Variants in TNNI3K observed in about 807,000 individuals in gnomAD.
TNNI3K encodes the protein TNNI3 interacting kinase, also known as serine/threonine-protein kinase TNNI3K.
TNNI3K carries 140 observed loss-of-function variants against 114.5 expected under a neutral mutation model. That is an observed-to-expected ratio of 1.22 (90% CI 1.07 to 1.41). The LOEUF (loss-of-function observed/expected upper bound fraction) is 1.41, where lower values mean the gene tolerates loss of function less well. Ranked by LOEUF, TNNI3K falls within the 40% of genes most tolerant of loss-of-function variation. The pLI is 0.00. For missense variants in TNNI3K, 1,125 were observed against 1,007.6 expected, an observed-to-expected ratio of 1.12 and a Z score of -1.58; for synonymous variants, 347 against 347.5, an observed-to-expected ratio of 1.00 and a Z score of 0.02.
At position 74,463,495 on chromosome 1, in the gene TNNI3K, C is replaced by T; in HGVS notation, c.2066C>T (p.Ser689Phe). The T allele has an allele frequency of 8.1e-6, 13 of 1,614,212 alleles. No homozygotes were observed. Among genetic ancestry groups the T allele is most frequent in the Non-Finnish European group, 1.1e-5 (13 of 1,180,044 alleles). ...YHHIRPPIGY[S>F]IPKPISSLLI... is the part of the protein sequence containing the mutation. ...CACATCAGACCTCCCATTGGCTATT[C>T]CATTCCCAAGCCCATATCATCTCTG... The change falls in exon 21 of 25, where the codon TCC (serine) becomes TTC (phenylalanine). Residue 689 changes from serine (S) to phenylalanine (F), a missense_variant. Ser to Phe is a radical substitution (Grantham distance 155). Coordinates refer to ENST00000326637, the MANE Select transcript of TNNI3K (RefSeq NM_015978.3).
At chr1:74,526,671 C>T (rs920692881) in intron 23 of TNNI3K, among the ~76,000 whole-genome samples, 20 of 152,120 alleles carry the variant, frequency 1.3e-4, no homozygotes, top group African/African-American at 4.3e-4. Flanking sequence ...TTAGCTCATG[C>T]ATTTTAGTCT....
chr1:74,332,976 A>AAAAAAAAAAAAAAAAAAAAAAAAAGAG (rs57556485), intron 6 of TNNI3K, among the ~76,000 whole-genome samples: 2 of 90,708 alleles, frequency 2.2e-5, no homozygotes, highest in Non-Finnish European at 4.5e-5. Flanking sequence ...AAAAAAAAAA[A>AAAAAAAAAAAAAAAAAAAAAAAAAGAG]AGAGAGAGAC....
chr1:74,370,461 A>T, intron 17 of TNNI3K, 69 bp downstream of exon 17: 1 of 1,414,468 alleles, frequency 7.1e-7, no homozygotes, highest in East Asian at 2.4e-5. Context: ...GATTTCAGTG[A>T]AGATACATTT....
At chr1:74,507,057 AATT>A (rs1447169817) in intron 23 of TNNI3K, among the ~76,000 whole-genome samples, 7 of 152,206 alleles carry the variant, frequency 4.6e-5, no homozygotes, top group African/African-American at 1.7e-4. Flanking sequence ...ATGTTGAACA[AATT>A]ATTATCTTAA....
At chr1:74,353,426 A>C (rs1661487997) in intron 10 of TNNI3K, 66 bp downstream of exon 10, 2 of 1,575,686 alleles carry the variant, frequency 1.3e-6, no homozygotes, top group East Asian at 4.6e-5. Context: ...AATGGTATGC[A>C]AAGGGATGTG....
intron 23 of TNNI3K, among the ~76,000 whole-genome samples, chr1:74,501,095 G>C (rs1239951496): frequency 1.3e-5 from 2 of 151,896 alleles, no homozygotes; most frequent in Non-Finnish European, 2.9e-5. Context: ...TGGAATTCTA[G>C]TTGGATATTT....
chr1:74,236,716 T>G (rs1653879272), intron 2 of TNNI3K, among the ~76,000 whole-genome samples: 1 of 151,830 alleles, frequency 6.6e-6, no homozygotes, highest in Non-Finnish European at 1.5e-5. Context: ...CAACATATAA[T>G]ATTGCCTTCA....
chr1:74,308,133 C>T (rs1303206922), intron 5 of TNNI3K, among the ~76,000 whole-genome samples: 2 of 151,968 alleles, frequency 1.3e-5, no homozygotes, highest in Non-Finnish European at 2.9e-5. Flanking sequence ...CAAAGAAATT[C>T]TGGACTTCAG....
At chr1:74,310,117 G>T (rs1195229383) in intron 5 of TNNI3K, among the ~76,000 whole-genome samples, 1 of 152,028 alleles carries the variant, frequency 6.6e-6, no homozygotes, top group East Asian at 1.9e-4. Flanking sequence ...AAAGTTTCAG[G>T]ATACAAAACT....
chr1:74,467,350 A>T (rs949591581), intron 21 of TNNI3K, among the ~76,000 whole-genome samples: 13 of 152,084 alleles, frequency 8.5e-5, no homozygotes, highest in African/African-American at 3.1e-4. Flanking sequence ...TTTTTCTTGC[A>T]TATCTGTCTT....
chr1:74,455,626 G>A (rs1031491754), intron 20 of TNNI3K, among the ~76,000 whole-genome samples: 1 of 152,196 alleles, frequency 6.6e-6, no homozygotes, highest in Non-Finnish European at 1.5e-5. Flanking sequence ...GTAATTCAGT[G>A]TGAGTTCAAA....
At chr1:74,284,403 C>T (rs1303721312) in intron 5 of TNNI3K, among the ~76,000 whole-genome samples, 1 of 152,144 alleles carries the variant, frequency 6.6e-6, no homozygotes, top group African/African-American at 2.4e-5. Context: ...TTTGCGGTGA[C>T]CCTTAAAGGC....
chr1:74,297,253 A>T (rs1341380354), intron 5 of TNNI3K, among the ~76,000 whole-genome samples: 1 of 152,204 alleles, frequency 6.6e-6, no homozygotes, highest in African/African-American at 2.4e-5. Context: ...TCACATGTTG[A>T]ATACTTCAAA....
At chr1:74,453,160 C>T (rs923639045) in intron 20 of TNNI3K, among the ~76,000 whole-genome samples, 2 of 152,092 alleles carry the variant, frequency 1.3e-5, no homozygotes, top group Non-Finnish European at 2.9e-5. Flanking sequence ...GATTTTAGTT[C>T]ATGGACCCCA....
chr1:74,277,235 G>A (rs1656739334), intron 5 of TNNI3K, among the ~76,000 whole-genome samples: 1 of 152,084 alleles, frequency 6.6e-6, no homozygotes, highest in Non-Finnish European at 1.5e-5. Flanking sequence ...ACTGAGGACT[G>A]GAGAAGCTGA....
intron 23 of TNNI3K, among the ~76,000 whole-genome samples, chr1:74,538,924 T>C (rs1443165435): frequency 1.3e-5 from 2 of 152,180 alleles, no homozygotes; most frequent in African/African-American, 4.8e-5. Flanking sequence ...GACCAGAACC[T>C]TATAGGTAGA....
At chr1:74,543,064 C>CTTT (rs60688934) in intron 24 of TNNI3K, among the ~76,000 whole-genome samples, 230 of 6,710 alleles carry the variant, frequency 0.034, 39 homozygotes, top group African/African-American at 0.065. Context: ...TTCTTTTTCC[C>CTTT]TTTTTTTTTT....
chr1:74,456,896 A>T (rs1667248793), intron 20 of TNNI3K, among the ~76,000 whole-genome samples: 1 of 152,288 alleles, frequency 6.6e-6, no homozygotes, highest in African/African-American at 2.4e-5. Flanking sequence ...CACATATGGT[A>T]TTTAAAAATA....
At chr1:74,510,467 C>T (rs899979774) in intron 23 of TNNI3K, among the ~76,000 whole-genome samples, 1 of 152,100 alleles carries the variant, frequency 6.6e-6, no homozygotes, top group African/African-American at 2.4e-5. Context: ...GACATCGCGC[C>T]ACTGCACTCT....
Sources: gnomAD v4.1 joint callset for allele counts (sites outside exome capture counted in the v4.1 genomes callset) on GRCh38, gnomAD v4.1.1 for gene constraint, MANE v1.5 for transcripts, NCBI Gene and HGNC (gene_info 2026-07-23, HGNC 2026-07-21) for gene names.